Variants in ACSL6 observed in about 807,000 individuals in gnomAD.
ACSL6 encodes long-chain-fatty-acid--CoA ligase 6.
Under a neutral mutation model 98.2 loss-of-function variants are expected in ACSL6, and 47 were observed. The observed-to-expected ratio is 0.48, with a 90% CI of 0.38 to 0.61. ACSL6 has a LOEUF of 0.61. ACSL6 is among the 20% of genes least tolerant of loss of function. ACSL6 has a pLI of 0.00. For missense variants in ACSL6, 761 were observed against 913.4 expected (o/e 0.83, Z 2.15); for synonymous variants, 362 against 336.9 (o/e 1.07, Z -0.82).
At chr5:132,011,661 C>A (rs1183412355), upstream of ACSL6, 7 of 1,262,504 alleles carry the variant, frequency 5.5e-6, no homozygotes, top group Non-Finnish European at 7.0e-6. This position sits in a 1 kb window ranked among gnomAD's most constrained non-coding sequence, Gnocchi z 5.4. Flanking sequence ...CCGCCGCTGC[C>A]GGGTATTTTT....
intron 2 of ACSL6, among the ~76,000 whole-genome samples, chr5:131,992,596 C>G (rs1019753159): frequency 1.3e-5 from 2 of 152,324 alleles, no homozygotes; most frequent in African/African-American, 4.8e-5. Flanking sequence ...TACACACGAG[C>G]CAGGGTCATC....
chr5:131,960,577 G>C lies in ACSL6; in HGVS notation c.1902C>G (p.Pro634=). 6.2e-7 allele frequency: 1 copy of C among 1,614,090 alleles called. No homozygotes were observed. Residue 634 remains proline, a synonymous_variant, in exon 19 of 21, where the codon CCC becomes CCG. Transcript: ENST00000651883. ...CAATTCCTCTCTTCTGGGCCCAGGA[G>C]GGCATAACTTCAGGGTCAGGCACAA... ...GIVVPDPEVM[P]SWAQKRGIEG...
chr5:132,003,819 C>T (rs1308043494), intron 1 of ACSL6: 2 of 152,118 alleles, frequency 1.3e-5, no homozygotes, highest in East Asian at 1.9e-4. Context: ...TACGTAAGTT[C>T]GGGGGGATGG....
At chr5:131,975,830 A>C in intron 10 of ACSL6, 1 of 985,178 alleles carries the variant, frequency 1.0e-6, no homozygotes, top group South Asian at 4.7e-5. Context: ...AGAGGCCTTC[A>C]CTCTCCTGTG....
At chr5:132,002,723 G>A (rs1326936359) in intron 1 of ACSL6, among the ~76,000 whole-genome samples, 1 of 152,160 alleles carries the variant, frequency 6.6e-6, no homozygotes, top group Non-Finnish European at 1.5e-5. Context: ...GAAGTGGGTT[G>A]GTAAGTCACA....
intron 1 of ACSL6, among the ~76,000 whole-genome samples, chr5:132,002,151 A>G (rs1177234796): frequency 6.6e-6 from 1 of 152,176 alleles, no homozygotes; most frequent in Non-Finnish European, 1.5e-5. Flanking sequence ...CCCTAGGAAT[A>G]CTGACCAGGG....
intron 1 of ACSL6, among the ~76,000 whole-genome samples, chr5:132,007,798 G>T (rs145158444): frequency 8.1e-4 from 124 of 152,284 alleles, no homozygotes; most frequent in South Asian, 6.0e-3. Context: ...CCCAGTGCTG[G>T]CTGGATACAC....
chr5:132,006,359 G>T (rs1353414966), intron 1 of ACSL6: 1 of 152,200 alleles, frequency 6.6e-6, no homozygotes, highest in African/African-American at 2.4e-5. Context: ...CACAAAGGAA[G>T]TAGGCCCAGG....
At chr5:131,979,257 T>A (rs1394537011) in intron 9 of ACSL6, among the ~76,000 whole-genome samples, 2 of 152,184 alleles carry the variant, frequency 1.3e-5, no homozygotes, top group Non-Finnish European at 2.9e-5. Flanking sequence ...ACTCTTAGGA[T>A]CTGGAAGTTT....
At chr5:131,977,368 T>A (rs1000335874) in intron 9 of ACSL6, among the ~76,000 whole-genome samples, 3 of 152,132 alleles carry the variant, frequency 2.0e-5, no homozygotes, top group Non-Finnish European at 4.4e-5. Flanking sequence ...AGGGTAGAGA[T>A]GGCTAGGGAT....
rs867856356 is a variant in ACSL6 at position 131,959,919 on chromosome 5, G to C, written c.1960-312C>G. 16 of 395,578 alleles carry C rather than the reference G, an allele frequency of 4.0e-5. 1 individual carries two copies. Among genetic ancestry groups the C allele is most frequent in the Middle Eastern group, 1.4e-3 (2 of 1,390 alleles). The allele number at this position is 395,578 out of a possible 1,614,324, so 24.5% of individuals were successfully genotyped here. A position where few individuals can be genotyped will look rare whatever the true frequency, so the allele number is the denominator to read the frequency against. ...AGATGAGCCCAGGGCCCAGGGTCCC[G>C]TAGGAGAGGGAGGGTCTATGGCTAC... On this transcript the variant is annotated intron_variant, in intron 19 of 20. Coordinates refer to ENST00000651883, the MANE Select transcript of ACSL6 (RefSeq NM_001009185.3).
chr5:132,001,831 A>T (rs1755100883), intron 1 of ACSL6: 3 of 152,330 alleles, frequency 2.0e-5, no homozygotes, highest in African/African-American at 7.2e-5. Flanking sequence ...TGCTCAGGGA[A>T]TGTGGGTCCA....
At chr5:131,974,655 A>T (rs1323943383) in intron 11 of ACSL6, 10 of 1,311,608 alleles carry the variant, frequency 7.6e-6, no homozygotes, top group African/African-American at 1.5e-5. Context: ...CCTTCTGAGG[A>T]CAGGGCAGTT....
chr5:131,960,765 T>G, intron 18 of ACSL6, 144 bp from the exon 19 acceptor site: 1 of 591,522 alleles, frequency 1.7e-6, no homozygotes. Context: ...TCATGAAATC[T>G]TTCTGCCAAT....
chr5:131,985,653 G>A (rs1315676975), intron 8 of ACSL6, among the ~76,000 whole-genome samples, 195 bp from the exon 9 acceptor site: 1 of 152,214 alleles, frequency 6.6e-6, no homozygotes, highest in Non-Finnish European at 1.5e-5. Context: ...AAAAGAAAAA[G>A]AAGCTGAGGA....
At position 132,011,557 on chromosome 5, in the gene ACSL6, G is replaced by A; in HGVS notation, c.-4C>T. 1.9e-6 allele frequency: 3 copies of A among 1,586,530 alleles called. No homozygotes were observed. The highest frequency in any genetic ancestry group is 1.1e-5 in the South Asian group (1 of 89,106). ...ACACGAGGAAGAAGGTCAGCATGGC[G>A]GTCAGCGGGGCCCGGCCCGGCCCGG... On this transcript the variant is annotated 5_prime_UTR_variant, in exon 1 of 21. Transcript: ENST00000651883. The surrounding 1 kb of genome is among the most constrained non-coding windows in gnomAD (Gnocchi z 5.4).
At chr5:131,963,023 C>A (rs1054739083) in intron 17 of ACSL6, among the ~76,000 whole-genome samples, 4 of 152,126 alleles carry the variant, frequency 2.6e-5, no homozygotes, top group African/African-American at 9.7e-5. Flanking sequence ...CATCAGGGCA[C>A]CCCTCTTGCA....
At chr5:132,011,989 G>A (rs535749309), upstream of ACSL6, 2 of 1,471,518 alleles carry the variant, frequency 1.4e-6, no homozygotes, top group Admixed American at 2.2e-5. This position sits in a 1 kb window ranked among gnomAD's most constrained non-coding sequence, Gnocchi z 5.4. Flanking sequence ...AGCCCACCCC[G>A]CCGCCACCCA....
In ACSL6 at chr5:131,990,919, G is replaced by A. The variant is rs1580680711; in HGVS notation, c.319C>T (p.Leu107Phe). 8.7e-6 allele frequency: 14 copies of A among 1,613,996 alleles called. No homozygotes were observed. The East Asian group carries it at 3.1e-4, about 36-fold the overall frequency. Residue 107 changes from leucine to phenylalanine, a missense_variant, in exon 3 of 21, where the codon CTT becomes TTT. Leu to Phe is a conservative substitution (Grantham distance 22). Transcript: ENST00000651883. Reference protein sequence around the residue: ...RSVIGSGPQLLTHYYDDARTM... With the variant: ...RSVIGSGPQLFTHYYDDARTM... ...CGGGCATCATCATAGTAGTGGGTAA[G>A]TAGCTGAGGGCCAGACCCAATCACA...
Sources: allele counts gnomAD v4.1 joint callset (sites outside exome capture counted in the v4.1 genomes callset), GRCh38; gene constraint gnomAD v4.1.1; non-coding constraint Gnocchi (gnomAD v3.1); transcripts MANE v1.5; gene names NCBI Gene and HGNC (gene_info 2026-07-23, HGNC 2026-07-21).